CPEB3: variants seen among roughly 807,000 people sequenced by gnomAD.
The protein encoded by CPEB3 is cytoplasmic polyadenylation element binding protein 3.
CPEB3 carries 20 observed loss-of-function variants against 67.2 expected under a neutral mutation model. The ratio of observed to expected loss-of-function variants is 0.30; its 90% CI spans 0.21 to 0.43. The LOEUF is 0.43. Among genes scored for constraint, CPEB3 ranks in the 20% least tolerant of loss-of-function variants. CPEB3 has a pLI of 1.00. For missense variants in CPEB3, 746 were observed against 968.6 expected, an observed-to-expected ratio of 0.77 and a Z score of 3.05; for synonymous variants, 376 against 393.1, an observed-to-expected ratio of 0.96 and a Z score of 0.51.
rs748271691 is a variant in CPEB3, at chr10:92,143,078, T to C, written c.1404A>G (p.Val468=). ...TASFRRFGPL[V]VDWPHKAESK... ...TTTCAGCTTTGTGAGGCCAGTCTACTACGAGAGGTCCAAACCTGCGAAAGC... is the reference window on the plus strand; with the variant it reads ...TTTCAGCTTTGTGAGGCCAGTCTACCACGAGAGGTCCAAACCTGCGAAAGC... The change falls in exon 6 of 10, where the codon GTA becomes GTG. Residue 468 remains valine (V), a synonymous_variant. Transcript: ENST00000265997. The C allele has an allele frequency of 1.9e-6, 3 of 1,613,684 alleles. No homozygotes were observed. The highest frequency in any genetic ancestry group is 1.7e-5 in the Admixed American group (1 of 59,996).
rs7082939 is a variant in CPEB3, at chr10:92,047,759, A to G, written c.*4453T>C. 6.6e-6 allele frequency: 1 copy of G among 152,244 alleles called. No homozygotes were observed. The highest frequency in any genetic ancestry group is 1.5e-5 in the Non-Finnish European group (1 of 68,036). 9.4% of individuals were successfully genotyped at this position (152,244 alleles called of 1,614,324 possible). On this transcript the variant is annotated 3_prime_UTR_variant, in exon 10 of 10. Coordinates refer to ENST00000265997, the MANE Select transcript of CPEB3 (RefSeq NM_014912.5). ...TTACAAAACTGAATACATAGAGCATACCCAAGACCAACTCTGGACACAAGT... is the reference window on the plus strand; with the variant it reads ...TTACAAAACTGAATACATAGAGCATGCCCAAGACCAACTCTGGACACAAGT...
intron 4 of CPEB3, among the ~76,000 whole-genome samples, chr10:92,161,503 C>CCT (rs1208270771): frequency 1.3e-5 from 2 of 152,026 alleles, no homozygotes; most frequent in Non-Finnish European, 2.9e-5. Context: ...GAACTCCTGA[C>CCT]CTCAGGTGAT....
At chr10:92,165,747 T>C (rs1365009796) in intron 4 of CPEB3, among the ~76,000 whole-genome samples, 1 of 152,238 alleles carries the variant, frequency 6.6e-6, no homozygotes, top group East Asian at 1.9e-4. Flanking sequence ...GACTCTACCT[T>C]AAGAAACCAC....
At chr10:92,175,476 T>C (rs1323157703) in intron 4 of CPEB3, among the ~76,000 whole-genome samples, 1 of 152,088 alleles carries the variant, frequency 6.6e-6, no homozygotes, top group Non-Finnish European at 1.5e-5. Context: ...TCCCGCATCA[T>C]ATGATAGTTG....
intron 8 of CPEB3, among the ~76,000 whole-genome samples, chr10:92,083,803 G>C (rs1444205022): frequency 6.6e-6 from 1 of 152,108 alleles, no homozygotes; most frequent in Non-Finnish European, 1.5e-5. Context: ...TTAGAAAGAA[G>C]GCACATGAGT....
intron 1 of CPEB3, among the ~76,000 whole-genome samples, chr10:92,270,798 G>A (rs1051415576): frequency 2.0e-5 from 3 of 151,728 alleles, no homozygotes; most frequent in Non-Finnish European, 1.5e-5. Flanking sequence ...TCAAACTCCT[G>A]AGCTCAAGTG....
intron 1 of CPEB3, among the ~76,000 whole-genome samples, chr10:92,266,991 G>A (rs1161645207): frequency 3.3e-5 from 5 of 151,790 alleles, no homozygotes; most frequent in Admixed American, 1.3e-4. Context: ...CCAAGATTGC[G>A]CCATCACACT....
chr10:92,112,197 C>G (rs1046659386), intron 6 of CPEB3, among the ~76,000 whole-genome samples: 3 of 138,740 alleles, frequency 2.2e-5, no homozygotes, highest in African/African-American at 7.9e-5. Flanking sequence ...GTGGCACAAT[C>G]TCTGTGGTAT....
intron 7 of CPEB3, among the ~76,000 whole-genome samples, chr10:92,092,577 C>T (rs1030095216): frequency 2.0e-5 from 3 of 152,056 alleles, no homozygotes; most frequent in African/African-American, 2.4e-5. Context: ...GTCAGGAGTT[C>T]GAGATCAGCC....
At chr10:92,128,372 A>C (rs770012445) in intron 6 of CPEB3, among the ~76,000 whole-genome samples, 5 of 152,206 alleles carry the variant, frequency 3.3e-5, no homozygotes, top group African/African-American at 4.8e-5. Flanking sequence ...AAAGTATACA[A>C]ATTTTTCCTG....
chr10:92,167,937 A>T (rs577887664), intron 4 of CPEB3, among the ~76,000 whole-genome samples: 1 of 152,102 alleles, frequency 6.6e-6, no homozygotes, highest in Non-Finnish European at 1.5e-5. Flanking sequence ...TAAAATAGTA[A>T]CATTAAAGAT....
rs181525424 is a variant in CPEB3 at position 92,205,055 on chromosome 10, G to C, written c.1006-12419C>G. Among the ~76,000 whole-genome samples, 274 of 152,140 alleles carry C rather than the reference G, an allele frequency of 1.8e-3. 1 individual carries two copies. Among genetic ancestry groups the C allele is most frequent in the African/African-American group, 6.4e-3 (266 of 41,520 alleles). On this transcript the variant is annotated intron_variant, in intron 2 of 9. Coordinates refer to ENST00000265997, the MANE Select transcript of CPEB3 (RefSeq NM_014912.5). Reference sequence around the variant, plus strand: ...GGGTTTCACCATCTTGGCCAAGCTGGTCTTGAACTCCTGACCTCAGGATCC... The same window carrying C: ...GGGTTTCACCATCTTGGCCAAGCTGCTCTTGAACTCCTGACCTCAGGATCC...
intron 3 of CPEB3, among the ~76,000 whole-genome samples, chr10:92,187,316 C>G (rs1380422960): frequency 6.6e-6 from 1 of 152,226 alleles, no homozygotes; most frequent in Non-Finnish European, 1.5e-5. Flanking sequence ...AATAACAGTT[C>G]TCAACTGACA....
At chr10:92,052,526 A>C in intron 9 of CPEB3, 87 bp from the exon 10 acceptor site, 1 of 1,120,644 alleles carries the variant, frequency 8.9e-7, no homozygotes, top group African/African-American at 1.5e-5. Context: ...CTATAGCTTC[A>C]ACGTATGTCT....
chr10:92,088,151 T>C (rs1326602868), intron 8 of CPEB3, among the ~76,000 whole-genome samples: 1 of 152,148 alleles, frequency 6.6e-6, no homozygotes, highest in Non-Finnish European at 1.5e-5. Flanking sequence ...TCATCTAAAT[T>C]TTCCACTGAT....
In CPEB3 at chr10:92,161,514, C is replaced by A. The variant is rs566513239; in HGVS notation, c.1223-16429G>T. On this transcript the variant is annotated intron_variant, in intron 4 of 9. Transcript: ENST00000265997. The stretch of plus-strand genomic sequence containing the variant: ...TCTCGAACTCCTGACCTCAGGTGAT[C>A]CACCCACGTTGGCCTCCCAAAGTAT... Among the ~76,000 whole-genome samples, 100 of 151,648 alleles carry A rather than the reference C, an allele frequency of 6.6e-4. 1 individual carries two copies. The highest frequency in any genetic ancestry group is 2.1e-3 in the African/African-American group (86 of 41,328).
At chr10:92,149,058 A>G (rs968040034) in intron 4 of CPEB3, among the ~76,000 whole-genome samples, 6 of 151,962 alleles carry the variant, frequency 3.9e-5, no homozygotes, top group African/African-American at 1.4e-4. Context: ...GTGCCACCAC[A>G]CCTGGCTTAT....
chr10:92,280,910 C>T (rs1842267983), intron 1 of CPEB3, among the ~76,000 whole-genome samples: 1 of 151,364 alleles, frequency 6.6e-6, no homozygotes, highest in Admixed American at 6.6e-5. Context: ...CAGGTGTGTG[C>T]CACCACGCCC....
chr10:92,091,764 G>A lies in CPEB3; in HGVS notation c.1687+66C>T, dbSNP rs184971435. The A allele has an allele frequency of 8.5e-6, 8 of 940,628 alleles. No homozygotes were observed. The Admixed American group carries it at 9.2e-5, about 11-fold the overall frequency. The allele number at this position is 940,628 out of a possible 1,614,324, so 58.3% of individuals were successfully genotyped here. On this transcript the variant is annotated intron_variant, in intron 8 of 9. Transcript: ENST00000265997. ...GACTGGAAACCTAGAAAATATTTAAGACTAAAGGCATTGGGGATTTTGTTG... is the reference window on the plus strand; with the variant it reads ...GACTGGAAACCTAGAAAATATTTAAAACTAAAGGCATTGGGGATTTTGTTG...
Sources: allele counts gnomAD v4.1 joint callset (sites outside exome capture counted in the v4.1 genomes callset), GRCh38; gene constraint gnomAD v4.1.1; transcripts MANE v1.5; gene names NCBI Gene and HGNC (gene_info 2026-07-23, HGNC 2026-07-21).